SRPK1: variants seen among roughly 807,000 people sequenced by gnomAD.
The protein encoded by SRPK1 is SFRS protein kinase 1.
Under a neutral mutation model 89.5 loss-of-function variants are expected in SRPK1, and 52 were observed. The observed-to-expected ratio is 0.58, with a 90% CI of 0.46 to 0.73. SRPK1 has a LOEUF of 0.73. Among genes scored for constraint, SRPK1 ranks in the 30% least tolerant of loss-of-function variants. The pLI is 0.00. For synonymous variants in SRPK1, 255 were observed against 270.2 expected (o/e 0.94, Z 0.55); for missense variants, 603 against 780.6 (o/e 0.77, Z 2.71).
At chr6:35,864,984 A>C (rs554845267) in intron 12 of SRPK1, among the ~76,000 whole-genome samples, 52 of 152,334 alleles carry the variant, frequency 3.4e-4, no homozygotes, top group Non-Finnish European at 1.3e-4. Context: ...CTAAAAATCA[A>C]AACAATAGAA....
At chr6:35,911,117 T>G (rs1442659355) in intron 2 of SRPK1, among the ~76,000 whole-genome samples, 2 of 152,232 alleles carry the variant, frequency 1.3e-5, no homozygotes, top group Non-Finnish European at 2.9e-5. Context: ...ACCATAGTGA[T>G]TCCTCTGATG....
intron 13 of SRPK1, 148 bp downstream of exon 13, chr6:35,857,113 C>T (rs540220399): frequency 1.8e-6 from 1 of 567,180 alleles, no homozygotes; most frequent in Non-Finnish European, 3.0e-6. Context: ...GAATTCGGAC[C>T]TCTCTAGACA....
At chr6:35,885,806 G>A (rs1488039729) in intron 6 of SRPK1, among the ~76,000 whole-genome samples, 2 of 152,056 alleles carry the variant, frequency 1.3e-5, no homozygotes, top group East Asian at 1.9e-4. Context: ...TTAGCTCACC[G>A]CACGTCACTT....
At chr6:35,911,994 T>A (rs115694114) in intron 2 of SRPK1, among the ~76,000 whole-genome samples, 1 of 152,062 alleles carries the variant, frequency 6.6e-6, no homozygotes, top group African/African-American at 2.4e-5. Flanking sequence ...CCACAGCTAC[T>A]CCAACCTTGA....
At chr6:35,873,111 T>C (rs547025015) in intron 7 of SRPK1, among the ~76,000 whole-genome samples, 3 of 152,236 alleles carry the variant, frequency 2.0e-5, no homozygotes, top group Non-Finnish European at 4.4e-5. Context: ...TTGAGGTCTC[T>C]TGCTGCCCAG....
rs368762608 is a variant in SRPK1, at chr6:35,884,276, CCTT to C, written c.478+2445_478+2447del. ...ATTATATAGAGAAACCAACTGTCCT[CCTT>C]CTTAATCATTCTTTTCCCCTCACCC... On this transcript the variant is annotated intron_variant, in intron 6 of 15. Coordinates refer to ENST00000373825, the MANE Select transcript of SRPK1 (RefSeq NM_003137.5). Among the ~76,000 whole-genome samples, 565 of 152,264 alleles carry C rather than the reference CCTT, an allele frequency of 3.7e-3. 2 individuals are homozygous for C. The highest frequency in any genetic ancestry group is 0.013 in the African/African-American group (529 of 41,550).
At chr6:35,847,794 A>G (rs1191964202) in intron 13 of SRPK1, among the ~76,000 whole-genome samples, 2 of 152,092 alleles carry the variant, frequency 1.3e-5, no homozygotes, top group Non-Finnish European at 2.9e-5. Flanking sequence ...AAATGAAAAT[A>G]TATCTTATGT....
intron 6 of SRPK1, 60 bp from the exon 7 acceptor site, chr6:35,874,399 G>T: frequency 8.9e-7 from 1 of 1,117,446 alleles, no homozygotes; most frequent in Non-Finnish European, 1.3e-6. Context: ...AAGACAAGCT[G>T]TGAATTCCAC....
intron 13 of SRPK1, among the ~76,000 whole-genome samples, chr6:35,856,233 C>T (rs537050599): frequency 1.3e-5 from 2 of 151,846 alleles, no homozygotes; most frequent in South Asian, 2.1e-4. Flanking sequence ...GAGCATCCCT[C>T]GGTGGTGACA....
At chr6:35,879,901 A>G (rs1446961914) in intron 6 of SRPK1, among the ~76,000 whole-genome samples, 1 of 151,888 alleles carries the variant, frequency 6.6e-6, no homozygotes, top group African/African-American at 2.4e-5. Context: ...GTGAGACTCC[A>G]TCTCTACAAA....
intron 6 of SRPK1, among the ~76,000 whole-genome samples, chr6:35,884,488 G>C (rs1451432445): frequency 6.6e-6 from 1 of 152,230 alleles, no homozygotes; most frequent in Admixed American, 6.5e-5. Context: ...AAAACGGGTA[G>C]AGGCAGGAGA....
chr6:35,898,668 G>A (rs987797810), intron 2 of SRPK1, among the ~76,000 whole-genome samples: 1 of 152,096 alleles, frequency 6.6e-6, no homozygotes, highest in African/African-American at 2.4e-5. Context: ...GGAGGCGGAG[G>A]TGGCAGTGAG....
chr6:35,838,805 T>C (rs763394809), intron 14 of SRPK1: 9 of 1,371,640 alleles, frequency 6.6e-6, no homozygotes, highest in Admixed American at 1.9e-5. Flanking sequence ...TGGTCTAAAA[T>C]AGAAGGGTAA....
At chr6:35,878,058 G>C (rs891950949) in intron 6 of SRPK1, among the ~76,000 whole-genome samples, 1 of 152,092 alleles carries the variant, frequency 6.6e-6, no homozygotes, top group Admixed American at 6.5e-5. Flanking sequence ...GCAAGCTTTG[G>C]GGGCAACTCA....
At chr6:35,912,799 T>C (rs1379148701) in intron 2 of SRPK1, among the ~76,000 whole-genome samples, 3 of 152,232 alleles carry the variant, frequency 2.0e-5, no homozygotes, top group African/African-American at 7.2e-5. Context: ...TCCCTTCTTT[T>C]GGAGACAGGG....
At position 35,870,919 on chromosome 6, in the gene SRPK1, A is replaced by G. The variant is rs985693377; in HGVS notation, c.777+15T>C. On this transcript the variant is annotated intron_variant, in intron 9 of 15. Coordinates refer to ENST00000373825, the MANE Select transcript of SRPK1 (RefSeq NM_003137.5). ...CCATAGATCAAAATTAAATATAAAAACACCTTATACTTACTGGTTTAGGCT... is the reference window on the plus strand; with the variant it reads ...CCATAGATCAAAATTAAATATAAAAGCACCTTATACTTACTGGTTTAGGCT... The G allele has an allele frequency of 6.3e-7, 1 of 1,589,028 alleles. No individual in the cohort carries two copies. Among genetic ancestry groups the G allele is most frequent in the Non-Finnish European group, 8.6e-7 (1 of 1,165,424 alleles).
chr6:35,886,037 CCTTT>C (rs1031705506), intron 6 of SRPK1, among the ~76,000 whole-genome samples: 9 of 151,482 alleles, frequency 5.9e-5, no homozygotes, highest in African/African-American at 1.2e-4. Flanking sequence ...TTTCTTTCTT[CCTTT>C]CTTTTTCTTT....
At chr6:35,855,442 G>C (rs1769646327) in intron 13 of SRPK1, among the ~76,000 whole-genome samples, 1 of 152,156 alleles carries the variant, frequency 6.6e-6, no homozygotes, top group African/African-American at 2.4e-5. Flanking sequence ...AGAAATCTAT[G>C]ACTTAAAACA....
At chr6:35,859,342 C>CT (rs2151085028) in intron 12 of SRPK1, among the ~76,000 whole-genome samples, 1 of 152,124 alleles carries the variant, frequency 6.6e-6, no homozygotes, top group Admixed American at 6.5e-5. Flanking sequence ...TAAATAAAAG[C>CT]TTATATAACT....
Sources: allele counts gnomAD v4.1 joint callset (sites outside exome capture counted in the v4.1 genomes callset), GRCh38; gene constraint gnomAD v4.1.1; transcripts MANE v1.5; gene names NCBI Gene and HGNC (gene_info 2026-07-23, HGNC 2026-07-21).